The following MDGA2 variants were observed in gnomAD, a reference collection of about 807,000 sequenced individuals.
MDGA2 encodes the protein MAM domain containing glycosylphosphatidylinositol anchor 2.
MDGA2 carries 40 observed loss-of-function variants against 117.8 expected under a neutral mutation model. The observed-to-expected ratio is 0.34, with a 90% CI of 0.26 to 0.44. MDGA2 has a LOEUF of 0.44. MDGA2 is among the 20% of genes least tolerant of loss of function. The pLI is 1.00. For missense variants in MDGA2, 1,123 were observed against 1,250.6 expected, an observed-to-expected ratio of 0.90 and a Z score of 1.54; for synonymous variants, 452 against 439.0, an observed-to-expected ratio of 1.03 and a Z score of -0.37.
intron 1 of MDGA2, among the ~76,000 whole-genome samples, chr14:47,617,573 A>G (rs1278226188): frequency 6.6e-6 from 1 of 152,174 alleles, no homozygotes; most frequent in South Asian, 2.1e-4. Flanking sequence ...GTTTTAAAAA[A>G]CAATTTCTGC....
intron 8 of MDGA2, among the ~76,000 whole-genome samples, chr14:46,982,507 G>A (rs981106646): frequency 2.0e-5 from 3 of 151,594 alleles, no homozygotes; most frequent in African/African-American, 7.3e-5. Context: ...TCAGGAGATA[G>A]AGACCATCCT....
intron 8 of MDGA2, among the ~76,000 whole-genome samples, chr14:46,962,147 A>C (rs1885836730): frequency 6.6e-6 from 1 of 152,218 alleles, no homozygotes; most frequent in Admixed American, 6.5e-5. Flanking sequence ...GGGCAACTAT[A>C]GACATCACTG....
chr14:47,673,708 G>A lies in MDGA2; in HGVS notation c.280+809C>T, dbSNP rs562352412. Among the ~76,000 whole-genome samples, 200 of 150,076 alleles carry A rather than the reference G, an allele frequency of 1.3e-3. 1 individual carries two copies. Among genetic ancestry groups the A allele is most frequent in the African/African-American group, 4.6e-3 (189 of 40,966 alleles). On this transcript the variant is annotated intron_variant, in intron 1 of 16. Coordinates refer to ENST00000399232, the MANE Select transcript of MDGA2 (RefSeq NM_001113498.3). Reference sequence around the variant, plus strand: ...AAGCTAAGGGTGCCAACTGCTGACAGGCAAAAAAACCTGTATTTGCTTTTG... The same window carrying A: ...AAGCTAAGGGTGCCAACTGCTGACAAGCAAAAAAACCTGTATTTGCTTTTG...
chr14:47,439,121 T>C (rs1015592320), intron 1 of MDGA2, among the ~76,000 whole-genome samples: 7 of 150,406 alleles, frequency 4.7e-5, no homozygotes, highest in African/African-American at 1.7e-4. Context: ...TGGTTAATAA[T>C]AAAAAAAAAG....
At chr14:46,853,576 A>C (rs934524870) in intron 15 of MDGA2, among the ~76,000 whole-genome samples, 14 of 151,768 alleles carry the variant, frequency 9.2e-5, no homozygotes, top group African/African-American at 3.4e-4. Flanking sequence ...TTATTCCTGG[A>C]AACAATGCAA....
rs1594498281 is a variant in MDGA2, at chr14:46,987,964, G to T, written c.1820-30321C>A. ...CGCGCGTGTGTGTATGTTGTAATTT[G>T]CTGTAGAAGTATGTTACTATTATGT... On this transcript the variant is annotated intron_variant, in intron 8 of 16. Transcript: ENST00000399232. Among the ~76,000 whole-genome samples, 2 of 151,680 alleles carry T rather than the reference G, an allele frequency of 1.3e-5. 1 individual carries two copies. The highest frequency in any genetic ancestry group is 2.9e-5 in the Non-Finnish European group (2 of 67,886).
intron 1 of MDGA2, among the ~76,000 whole-genome samples, chr14:47,428,581 A>G (rs1042712689): frequency 2.6e-5 from 4 of 152,074 alleles, no homozygotes; most frequent in Non-Finnish European, 4.4e-5. Context: ...CTCTACATAT[A>G]TGTTTTGTAT....
chr14:46,960,949 TACACACACACAC>T (rs57182570), intron 8 of MDGA2, among the ~76,000 whole-genome samples: 1 of 147,826 alleles, frequency 6.8e-6, no homozygotes, highest in Non-Finnish European at 1.5e-5. Flanking sequence ...TATATATATA[TACACACACACAC>T]ACACACACAT....
chr14:47,149,063 G>C (rs1372308758), intron 3 of MDGA2, among the ~76,000 whole-genome samples: 1 of 152,138 alleles, frequency 6.6e-6, no homozygotes, highest in Non-Finnish European at 1.5e-5. Flanking sequence ...ACCAAGGTTG[G>C]GTGGATCATT....
chr14:47,587,398 A>G (rs1396119665), intron 1 of MDGA2, among the ~76,000 whole-genome samples: 1 of 151,966 alleles, frequency 6.6e-6, no homozygotes, highest in Non-Finnish European at 1.5e-5. Flanking sequence ...AAAAATATAT[A>G]TAATGAGGGC....
chr14:47,013,067 T>C (rs1265038656), intron 8 of MDGA2, among the ~76,000 whole-genome samples: 1 of 152,174 alleles, frequency 6.6e-6, no homozygotes, highest in Non-Finnish European at 1.5e-5. Flanking sequence ...ACCACCGGCC[T>C]GTGGCGATTT....
At chr14:46,840,087 T>G (rs779213161), downstream of MDGA2, 1 of 152,496 alleles carries the variant, frequency 6.6e-6, no homozygotes, top group South Asian at 2.1e-4. Context: ...ACATACTGCT[T>G]GTCATACCTT....
At chr14:47,115,028 C>T (rs188630826) in intron 5 of MDGA2, among the ~76,000 whole-genome samples, 4 of 150,338 alleles carry the variant, frequency 2.7e-5, no homozygotes, top group Admixed American at 2.0e-4. Flanking sequence ...TATGCTTTTA[C>T]GGTATAATGT....
In MDGA2 at chr14:47,201,060, G is replaced by C. The variant is rs547628584; in HGVS notation, c.595+16961C>G. The C allele has an allele frequency of 2.1e-5, 24 of 1,141,882 alleles. 1 individual carries two copies. The African/African-American group carries it at 3.6e-4, about 17-fold the overall frequency. The allele number at this position is 1,141,882 out of a possible 1,614,324, so 70.7% of individuals were successfully genotyped here. ...CCACAATGGCCGCCAGGCGGCCCAGGAGATGGCCTCGACCATCAAGCACCA... is the reference window on the plus strand; with the variant it reads ...CCACAATGGCCGCCAGGCGGCCCAGCAGATGGCCTCGACCATCAAGCACCA... On this transcript the variant is annotated intron_variant, in intron 3 of 16. Coordinates refer to ENST00000399232, the MANE Select transcript of MDGA2 (RefSeq NM_001113498.3).
intron 1 of MDGA2, among the ~76,000 whole-genome samples, chr14:47,503,019 C>T (rs143844116): frequency 7.2e-5 from 11 of 152,148 alleles, no homozygotes; most frequent in Non-Finnish European, 1.0e-4. Flanking sequence ...TTAAAATCAT[C>T]CTGCTTCAGA....
At chr14:46,946,283 T>C (rs1317114879) in intron 9 of MDGA2, among the ~76,000 whole-genome samples, 1 of 152,072 alleles carries the variant, frequency 6.6e-6, no homozygotes, top group African/African-American at 2.4e-5. Context: ...CTCAATATGA[T>C]ATAACTTTAT....
intron 1 of MDGA2, among the ~76,000 whole-genome samples, chr14:47,460,054 A>G (rs1304322006): frequency 6.6e-6 from 1 of 152,176 alleles, no homozygotes; most frequent in African/African-American, 2.4e-5. Flanking sequence ...AAATTTCAAA[A>G]TAAATATTTT....
At chr14:47,211,305 AAT>A (rs1312792180) in intron 3 of MDGA2, among the ~76,000 whole-genome samples, 5 of 152,140 alleles carry the variant, frequency 3.3e-5, no homozygotes, top group Non-Finnish European at 7.4e-5. Flanking sequence ...CCTACTTGCT[AAT>A]ATGTTAGTCT....
chr14:47,509,752 C>A (rs1165493978), intron 1 of MDGA2, among the ~76,000 whole-genome samples: 5 of 152,196 alleles, frequency 3.3e-5, no homozygotes, highest in African/African-American at 1.2e-4. Context: ...CTCTATCCCC[C>A]TTTTGGACAG....
Sources: gnomAD v4.1 joint callset for allele counts (sites outside exome capture counted in the v4.1 genomes callset) on GRCh38, gnomAD v4.1.1 for gene constraint, MANE v1.5 for transcripts, NCBI Gene and HGNC (gene_info 2026-07-23, HGNC 2026-07-21) for gene names.